The following SDK1 variants were observed in gnomAD, a reference collection of about 807,000 sequenced individuals.
The protein encoded by SDK1 is protein sidekick-1.
In SDK1, 157 loss-of-function variants were observed where a neutral mutation model predicts 245.5. The ratio of observed to expected loss-of-function variants is 0.64; its 90% CI spans 0.56 to 0.73. The LOEUF (loss-of-function observed/expected upper bound fraction) is 0.73. SDK1 is among the 30% of genes least tolerant of loss of function. The pLI is 0.00. For missense variants in SDK1, 3,583 were observed against 3,002.3 expected (o/e 1.19, Z -4.52); for synonymous variants, 1,647 against 1,278.5 (o/e 1.29, Z -6.15).
rs201077682 is a variant in SDK1, at chr7:4,233,444, C to T, written c.5992+25C>T. The T allele has an allele frequency of 5.9e-4, 951 of 1,604,424 alleles. 3 individuals are homozygous for T. In the African/African-American group the frequency reaches 0.011, roughly 19 times the overall value. On this transcript the variant is annotated intron_variant, in intron 41 of 44. Coordinates refer to ENST00000404826, the MANE Select transcript of SDK1 (RefSeq NM_152744.4). ...GGTAGGCCCTCCCAGGGAGGTCTGTCTTCTTCTGGAGGACTAGAGGGAGAA... is the reference window on the plus strand; with the variant it reads ...GGTAGGCCCTCCCAGGGAGGTCTGTTTTCTTCTGGAGGACTAGAGGGAGAA...
intron 1 of SDK1, among the ~76,000 whole-genome samples, chr7:3,506,721 A>G (rs185029074): frequency 4.0e-5 from 6 of 151,898 alleles, no homozygotes; most frequent in Admixed American, 3.9e-4. Flanking sequence ...TTCTTCTCCT[A>G]TATTTATATG....
chr7:4,011,211 C>G, intron 15 of SDK1, 98 bp downstream of exon 15: 1 of 1,431,616 alleles, frequency 7.0e-7, no homozygotes, highest in Non-Finnish European at 9.4e-7. Context: ...TCACAGCAAC[C>G]CGCTGGCTTC....
At chr7:3,399,401 C>A (rs574041035) in intron 1 of SDK1, among the ~76,000 whole-genome samples, 2 of 152,028 alleles carry the variant, frequency 1.3e-5, no homozygotes, top group Admixed American at 6.5e-5. Context: ...TTAAAGTTTA[C>A]GTCTTAAGTT....
chr7:3,903,879 G>C (rs952331899), intron 5 of SDK1, among the ~76,000 whole-genome samples: 7 of 152,056 alleles, frequency 4.6e-5, no homozygotes, highest in African/African-American at 1.4e-4. Context: ...TCCTGAGAGA[G>C]CTGGTTGTTA....
intron 1 of SDK1, among the ~76,000 whole-genome samples, chr7:3,617,093 G>A (rs1781795410): frequency 1.3e-5 from 2 of 151,950 alleles, no homozygotes; most frequent in African/African-American, 4.8e-5. Flanking sequence ...TCTTAAAATG[G>A]GTATAATGAT....
chr7:3,503,504 C>G (rs1782284138), intron 1 of SDK1, among the ~76,000 whole-genome samples: 1 of 151,980 alleles, frequency 6.6e-6, no homozygotes, highest in East Asian at 1.9e-4. Flanking sequence ...ATAGTGAGAA[C>G]CTTCCTCTAT....
intron 14 of SDK1, among the ~76,000 whole-genome samples, chr7:3,997,327 G>C (rs1348439779): frequency 2.0e-5 from 3 of 152,156 alleles, no homozygotes; most frequent in Non-Finnish European, 4.4e-5. Context: ...GAGGAGCCCC[G>C]CAGTGGGTGG....
rs866865683 is a variant in SDK1 at position 3,951,676 on chromosome 7, G to A, written c.960-54G>A. On this transcript the variant is annotated intron_variant, in intron 6 of 44. Transcript: ENST00000404826. The stretch of plus-strand genomic sequence containing the variant: ...GTGCCGAGTGCCTGAGATGATGACC[G>A]TTGCCACCTCCCTGAGTCACAATCG... The A allele has an allele frequency of 1.3e-5, 20 of 1,534,930 alleles. No homozygotes were observed. The Middle Eastern group carries it at 1.5e-3, about 116-fold the overall frequency.
chr7:4,116,209 G>C (rs1027813384), intron 25 of SDK1, among the ~76,000 whole-genome samples: 1 of 152,180 alleles, frequency 6.6e-6, no homozygotes, highest in Admixed American at 6.5e-5. Flanking sequence ...CAGCAATAAG[G>C]AAAGGGGACT....
intron 1 of SDK1, among the ~76,000 whole-genome samples, chr7:3,306,374 T>C (rs1779417742): frequency 6.6e-6 from 1 of 152,174 alleles, no homozygotes; most frequent in Non-Finnish European, 1.5e-5. Flanking sequence ...TGATGGTCTG[T>C]TGGCAGAGAT....
Position 4,020,654 on chromosome 7 carries a change from C to T in SDK1, c.2602+3302C>T, listed in dbSNP as rs117164469. Among the ~76,000 whole-genome samples the T allele has an allele frequency of 0.015, 2,235 of 152,208 alleles. 134 individuals carry two copies. The East Asian group carries it at 0.19, about 13-fold the overall frequency. ...TGCATCAGGGGGACAGTGGTGGGGG[C>T]GCAGTGAGCGTGACGTTTCACACAC... On this transcript the variant is annotated intron_variant, in intron 17 of 44. Coordinates refer to ENST00000404826, the MANE Select transcript of SDK1 (RefSeq NM_152744.4).
chr7:3,981,153 A>T (rs142225554), intron 13 of SDK1, among the ~76,000 whole-genome samples: 1 of 152,138 alleles, frequency 6.6e-6, no homozygotes, highest in African/African-American at 2.4e-5. Flanking sequence ...AATTCTCACA[A>T]TGTTTCAAAC....
At chr7:4,098,464 A>G (rs1782309588) in intron 22 of SDK1, among the ~76,000 whole-genome samples, 1 of 151,884 alleles carries the variant, frequency 6.6e-6, no homozygotes, top group African/African-American at 2.4e-5. Context: ...TCCAGCCATT[A>G]GGTTTTATAT....
chr7:4,022,936 G>C (rs887364141), intron 17 of SDK1, among the ~76,000 whole-genome samples: 3 of 151,790 alleles, frequency 2.0e-5, no homozygotes, highest in African/African-American at 7.3e-5. Flanking sequence ...AACATGCCCC[G>C]CTAATTTTTT....
chr7:3,465,362 A>G (rs937819174), intron 1 of SDK1, among the ~76,000 whole-genome samples: 3 of 152,226 alleles, frequency 2.0e-5, no homozygotes, highest in African/African-American at 7.2e-5. Context: ...TAAACCAAAA[A>G]TAAAAATGAG....
At chr7:4,146,253 G>A (rs662623) in intron 29 of SDK1, among the ~76,000 whole-genome samples, 18,719 of 139,164 alleles carry the variant, frequency 0.13, 1,147 homozygotes, top group Middle Eastern at 0.19. Context: ...TGAGCATTTC[G>A]TGACACACTT....
chr7:3,403,870 A>ATTT (rs1562466267), intron 1 of SDK1, among the ~76,000 whole-genome samples: 2,059 of 84,694 alleles, frequency 0.024, 96 homozygotes, highest in African/African-American at 0.086. Flanking sequence ...TATATATATA[A>ATTT]TATATATATT....
chr7:4,079,670 C>A, intron 22 of SDK1, 86 bp downstream of exon 22: 10 of 1,554,350 alleles, frequency 6.4e-6, no homozygotes, highest in Middle Eastern at 4.2e-4. Context: ...CAGATGATGG[C>A]TTGGGGTGTC....
At chr7:3,340,876 T>C (rs1780330218) in intron 1 of SDK1, among the ~76,000 whole-genome samples, 1 of 152,006 alleles carries the variant, frequency 6.6e-6, no homozygotes, top group Non-Finnish European at 1.5e-5. Context: ...AATGCTCCCT[T>C]AAAAAAGAAA....
Sources: allele counts gnomAD v4.1 joint callset (sites outside exome capture counted in the v4.1 genomes callset), GRCh38; gene constraint gnomAD v4.1.1; transcripts MANE v1.5; gene names NCBI Gene and HGNC (gene_info 2026-07-23, HGNC 2026-07-21).